The following BAZ2B variants were observed in gnomAD, a reference collection of about 807,000 sequenced individuals.
BAZ2B encodes bromodomain adjacent to zinc finger domain protein 2B.
A neutral mutation model predicts 246.0 loss-of-function variants in BAZ2B; 91 were observed. The observed-to-expected ratio is 0.37, with a 90% CI of 0.31 to 0.44. BAZ2B has a LOEUF of 0.44. BAZ2B is among the 20% of genes least tolerant of loss of function. The probability of loss-of-function intolerance (pLI) is 1.00; values close to 1 mark genes in which losing one functional copy is unlikely to be tolerated. For synonymous variants in BAZ2B, 855 were observed against 860.0 expected, an observed-to-expected ratio of 0.99 and a Z score of 0.10; for missense variants, 2,332 against 2,533.7, an observed-to-expected ratio of 0.92 and a Z score of 1.71.
chr2:159,668,819 G>A, the BAZ2B span, among the ~76,000 whole-genome samples: 1 of 152,116 alleles, frequency 6.6e-6, no homozygotes, highest in South Asian at 2.1e-4. Flanking sequence ...CACTTTGGGA[G>A]GCCGAGGCAG....
intron 27 of BAZ2B, among the ~76,000 whole-genome samples, chr2:159,364,909 C>G (rs940235345): frequency 7.2e-5 from 11 of 152,066 alleles, no homozygotes; most frequent in Non-Finnish European, 1.6e-4. Flanking sequence ...TTAACAACCC[C>G]GTTTGCCTAA....
At chr2:159,391,071 C>T (rs762208790) in intron 20 of BAZ2B, among the ~76,000 whole-genome samples, 1 of 152,096 alleles carries the variant, frequency 6.6e-6, no homozygotes, top group Admixed American at 6.6e-5. Context: ...ACTGAAATTT[C>T]GATTCTTAAA....
At chr2:159,666,499 G>A in the BAZ2B span, among the ~76,000 whole-genome samples, 1 of 152,024 alleles carries the variant, frequency 6.6e-6, no homozygotes, top group South Asian at 2.1e-4. Flanking sequence ...GGGCTCAAGT[G>A]ATCCAGCGAC....
chr2:159,648,103 C>T, the BAZ2B span, among the ~76,000 whole-genome samples: 1 of 151,924 alleles, frequency 6.6e-6, no homozygotes, highest in Non-Finnish European at 1.5e-5. Context: ...CCAAAGTTTC[C>T]TCTTGCCCTC....
At chr2:159,536,972 TATC>T (rs1578180357) in intron 2 of BAZ2B, among the ~76,000 whole-genome samples, 1 of 152,192 alleles carries the variant, frequency 6.6e-6, no homozygotes, top group African/African-American at 2.4e-5. Flanking sequence ...AAAATGTCGA[TATC>T]ACGATAGTGA....
chr2:159,394,373 C>G (rs994135536), intron 20 of BAZ2B, among the ~76,000 whole-genome samples: 3 of 152,154 alleles, frequency 2.0e-5, no homozygotes, highest in South Asian at 2.1e-4. Flanking sequence ...TTACCTCTCT[C>G]TTTCCCTGAC....
intron 2 of BAZ2B, among the ~76,000 whole-genome samples, chr2:159,497,202 A>C (rs1330601670): frequency 6.6e-6 from 1 of 152,240 alleles, no homozygotes; most frequent in Non-Finnish European, 1.5e-5. Flanking sequence ...AGAGGGGTAC[A>C]AAGGAGATGC....
chr2:159,528,054 G>A (rs2084942020), intron 2 of BAZ2B, among the ~76,000 whole-genome samples: 1 of 152,170 alleles, frequency 6.6e-6, no homozygotes, highest in Admixed American at 6.5e-5. Context: ...ACTTTTAGAT[G>A]TAAGCAGGAG....
intron 31 of BAZ2B, among the ~76,000 whole-genome samples, chr2:159,345,795 G>A (rs2149089525): frequency 6.6e-6 from 1 of 152,346 alleles, no homozygotes; most frequent in Non-Finnish European, 1.5e-5. Flanking sequence ...GAAAGTAGAT[G>A]TAGCAGTTTT....
At chr2:159,414,810 C>A (rs766122894) in intron 13 of BAZ2B, among the ~76,000 whole-genome samples, 19 of 135,628 alleles carry the variant, frequency 1.4e-4, no homozygotes, top group Admixed American at 1.3e-3. Context: ...GAGCGAGACT[C>A]CACCTCAAAA....
rs116881942 is a variant in BAZ2B at position 159,612,150 on chromosome 2, T to A, written c.-46+4092A>T. On this transcript the variant is annotated intron_variant, in intron 1 of 36. Transcript: ENST00000392783. ...TTAGATCATAGTTTGTATGAATTTT[T>A]AAATAACATTTTAGCCTCATTATAA... 1.7e-3 allele frequency among the ~76,000 whole-genome samples: 265 copies of A among 152,112 alleles called. 8 individuals are homozygous for A. In the East Asian group the frequency reaches 0.04, roughly 23 times the overall value.
rs114057375 is a variant in BAZ2B, at chr2:159,566,966, G to A, written c.-45-11101C>T. 6.7e-3 allele frequency among the ~76,000 whole-genome samples: 1,023 copies of A among 152,136 alleles called. 9 individuals carry two copies. The highest frequency in any genetic ancestry group is 0.023 in the African/African-American group (963 of 41,516). On this transcript the variant is annotated intron_variant, in intron 1 of 36. Transcript: ENST00000392783. ...GGAATTAAAAATGCATTCAGGGGCC[G>A]GGCGTGGTGGCTCACACCTATAATC... is the stretch of plus-strand genomic sequence containing the variant.
intron 2 of BAZ2B, among the ~76,000 whole-genome samples, chr2:159,495,257 G>C (rs957112716): frequency 1.3e-5 from 2 of 151,302 alleles, no homozygotes; most frequent in South Asian, 4.2e-4. Flanking sequence ...AGGCCGAGGC[G>C]GGCGGATCAC....
chr2:159,617,799 G>A (rs1035422048), upstream of BAZ2B, among the ~76,000 whole-genome samples: 2 of 151,858 alleles, frequency 1.3e-5, no homozygotes, highest in Non-Finnish European at 2.9e-5. Context: ...TGGCAGACTC[G>A]GTCTTTTTGC....
At chr2:159,560,679 C>G (rs1052421921) in intron 1 of BAZ2B, among the ~76,000 whole-genome samples, 7 of 152,072 alleles carry the variant, frequency 4.6e-5, no homozygotes, top group Middle Eastern at 6.8e-3. Context: ...AGGCGCCCAC[C>G]ACCACGCCCA....
At chr2:159,573,159 T>C (rs1684435259) in intron 1 of BAZ2B, among the ~76,000 whole-genome samples, 1 of 152,110 alleles carries the variant, frequency 6.6e-6, no homozygotes, top group Non-Finnish European at 1.5e-5. Flanking sequence ...TCAGATAAAA[T>C]AGCATGAAAA....
intron 4 of BAZ2B, among the ~76,000 whole-genome samples, chr2:159,450,641 G>A (rs1444244793): frequency 1.3e-5 from 2 of 151,426 alleles, no homozygotes; most frequent in Non-Finnish European, 1.5e-5. Context: ...CCAGCTTGTT[G>A]ACAAAATGAA....
At chr2:159,633,237 G>A in the BAZ2B span, among the ~76,000 whole-genome samples, 3 of 151,630 alleles carry the variant, frequency 2.0e-5, no homozygotes, top group South Asian at 4.2e-4. Flanking sequence ...TTGAGGCGGA[G>A]CAAAACTGCT....
intron 16 of BAZ2B, chr2:159,404,608 C>T (rs2065604804): frequency 2.5e-6 from 1 of 403,842 alleles, no homozygotes; most frequent in Admixed American, 4.2e-5. Flanking sequence ...CAAAGTCTAC[C>T]AGGATATTAA....
Sources: allele counts gnomAD v4.1 joint callset (sites outside exome capture counted in the v4.1 genomes callset), GRCh38; gene constraint gnomAD v4.1.1; transcripts MANE v1.5; gene names NCBI Gene and HGNC (gene_info 2026-07-23, HGNC 2026-07-21).